Variants in CNIH3 observed in about 807,000 individuals in gnomAD.
CNIH3 encodes the protein cornichon family AMPA receptor auxiliary protein 3.
In CNIH3, 14 loss-of-function variants were observed where a neutral mutation model predicts 24.1. The observed-to-expected ratio is 0.58, with a 90% confidence interval of 0.38 to 0.91. The LOEUF is 0.91. CNIH3 is among the 40% of genes least tolerant of loss of function. CNIH3 has a pLI of 0.00. For synonymous variants in CNIH3, 68 were observed against 73.8 expected (o/e 0.92, Z 0.40); for missense variants, 178 against 196.8 (o/e 0.90, Z 0.57).
intron 1 of CNIH3, among the ~76,000 whole-genome samples, chr1:224,519,209 C>T (rs1354187772): frequency 6.6e-6 from 1 of 152,206 alleles, no homozygotes; most frequent in Non-Finnish European, 1.5e-5. Context: ...TTAATTGACT[C>T]ACAGCACCGC....
intron 1 of CNIH3, among the ~76,000 whole-genome samples, chr1:224,679,887 A>G (rs1469928313): frequency 6.6e-6 from 1 of 151,980 alleles, no homozygotes; most frequent in Non-Finnish European, 1.5e-5. Flanking sequence ...GGAGTTGGTT[A>G]TGTCTGTTTA....
At chr1:224,737,261 G>A (rs1057237254) in intron 5 of CNIH3, among the ~76,000 whole-genome samples, 1 of 152,096 alleles carries the variant, frequency 6.6e-6, no homozygotes, top group Non-Finnish European at 1.5e-5. Context: ...AGCTCCTCTC[G>A]GTTAGATGGG....
At position 224,684,813 on chromosome 1, in the gene CNIH3, C is replaced by T; in HGVS notation, c.168C>T (p.Asn56=). ...NPVHARERLR[N]IERICFLLRK... ...CCTGATAGAGGGAACGGTTGAGGAA[C>T]ATCGAGCGCATCTGCTTCCTTCTGC... is the stretch of plus-strand genomic sequence containing the variant. The change falls in exon 3 of 6, where the codon AAC becomes AAT. Residue 56 remains asparagine (N), a synonymous_variant. Transcript: ENST00000272133. The surrounding 1 kb of genome is among the most constrained non-coding windows in gnomAD (Gnocchi z 4.2). 6.2e-7 allele frequency: 1 copy of T among 1,614,092 alleles called. No individual in the cohort carries two copies. The highest frequency in any genetic ancestry group is 8.5e-7 in the Non-Finnish European group (1 of 1,179,936).
downstream of CNIH3, among the ~76,000 whole-genome samples, chr1:224,593,220 A>G (rs540136854): frequency 2.0e-5 from 3 of 147,416 alleles, no homozygotes; most frequent in East Asian, 6.0e-4. Flanking sequence ...CAGTGGCATG[A>G]TCTCAGCTCA....
intron 1 of CNIH3, among the ~76,000 whole-genome samples, chr1:224,452,607 C>G (rs1675457913): frequency 1.3e-5 from 2 of 151,012 alleles, no homozygotes; most frequent in Admixed American, 6.6e-5. Flanking sequence ...CGGTGAAACC[C>G]CGTCTCTACT....
chr1:224,572,728 C>T (rs1027845159), intron 4 of CNIH3, among the ~76,000 whole-genome samples: 8 of 151,372 alleles, frequency 5.3e-5, no homozygotes, highest in African/African-American at 1.9e-4. Context: ...GTCTTGTCAT[C>T]TTAACAATGT....
intron 3 of CNIH3, among the ~76,000 whole-genome samples, chr1:224,608,218 A>C (rs1682516233): frequency 6.6e-6 from 1 of 152,242 alleles, no homozygotes; most frequent in Non-Finnish European, 1.5e-5. Context: ...TGAGCCAGTC[A>C]AGGGCACAGT....
intron 3 of CNIH3, among the ~76,000 whole-genome samples, chr1:224,610,872 T>C (rs1418390761): frequency 1.3e-5 from 2 of 152,184 alleles, no homozygotes; most frequent in Admixed American, 1.3e-4. Context: ...TCCCTGATCA[T>C]ACTAACCCCA....
At chr1:224,666,825 C>T (rs774745057) in intron 1 of CNIH3, among the ~76,000 whole-genome samples, 2 of 152,178 alleles carry the variant, frequency 1.3e-5, no homozygotes, top group East Asian at 3.8e-4. Context: ...TTCTAGATCC[C>T]CCAACGGTAG....
chr1:224,614,997 T>C (rs765085131), upstream of CNIH3, among the ~76,000 whole-genome samples: 4 of 151,916 alleles, frequency 2.6e-5, no homozygotes, highest in Non-Finnish European at 5.9e-5. Context: ...TGTGGCCAAA[T>C]AGCTGCAGGA....
At chr1:224,632,458 T>C (rs112690485) in intron 1 of CNIH3, among the ~76,000 whole-genome samples, 4,591 of 152,292 alleles carry the variant, frequency 0.03, 217 homozygotes, top group African/African-American at 0.099. Context: ...CTCATTGTTA[T>C]TGTCTTATGT....
chr1:224,466,419 T>A (rs1676154741), intron 1 of CNIH3, among the ~76,000 whole-genome samples: 1 of 152,230 alleles, frequency 6.6e-6, no homozygotes, highest in African/African-American at 2.4e-5. Flanking sequence ...AGCCAAGGCC[T>A]AATTCTATCG....
intron 5 of CNIH3, among the ~76,000 whole-genome samples, chr1:224,738,816 CAA>C (rs1490174466): frequency 1.3e-5 from 2 of 152,132 alleles, no homozygotes; most frequent in African/African-American, 4.8e-5. Context: ...GTTACCCAAT[CAA>C]GAATTCATTG....
At chr1:224,545,373 G>T (rs988670961) in intron 2 of CNIH3, among the ~76,000 whole-genome samples, 2 of 152,190 alleles carry the variant, frequency 1.3e-5, no homozygotes, top group African/African-American at 4.8e-5. Context: ...AGTCTACAAT[G>T]AACTGTGAGA....
chr1:224,465,834 C>A (rs1057205474), intron 1 of CNIH3, among the ~76,000 whole-genome samples: 1 of 152,010 alleles, frequency 6.6e-6, no homozygotes, highest in Admixed American at 6.6e-5. Flanking sequence ...TTGAGACCAG[C>A]CTGGCCAACA....
intron 4 of CNIH3, among the ~76,000 whole-genome samples, chr1:224,569,024 C>T (rs1037263668): frequency 6.6e-6 from 1 of 152,148 alleles, no homozygotes; most frequent in Non-Finnish European, 1.5e-5. Flanking sequence ...AGGCATGTGC[C>T]ACCACGCCTG....
chr1:224,639,313 G>A (rs926016683), intron 1 of CNIH3, among the ~76,000 whole-genome samples: 2 of 152,182 alleles, frequency 1.3e-5, no homozygotes, highest in African/African-American at 4.8e-5. Context: ...TGTCCCCCTC[G>A]TACTTCAGGC....
intron 5 of CNIH3, among the ~76,000 whole-genome samples, chr1:224,738,072 T>C (rs1689686718): frequency 6.6e-6 from 1 of 152,224 alleles, no homozygotes; most frequent in Non-Finnish European, 1.5e-5. Flanking sequence ...TACTTGTTCC[T>C]TGACACTGGA....
At chr1:224,729,159 G>A (rs946171219) in intron 3 of CNIH3, among the ~76,000 whole-genome samples, 9 of 151,884 alleles carry the variant, frequency 5.9e-5, no homozygotes, top group African/African-American at 1.9e-4. Context: ...ACCTGTAATC[G>A]CAGCACTTTG....
Sources: gnomAD v4.1 joint callset for allele counts (sites outside exome capture counted in the v4.1 genomes callset) on GRCh38, gnomAD v4.1.1 for gene constraint, Gnocchi (gnomAD v3.1) non-coding constraint, MANE v1.5 for transcripts, NCBI Gene and HGNC (gene_info 2026-07-23, HGNC 2026-07-21) for gene names.